Variants in CLCN7 observed in about 807,000 individuals in gnomAD.
The protein encoded by CLCN7 is H(+)/Cl(-) exchange transporter 7.
CLCN7 carries 60 observed loss-of-function variants against 102.1 expected under a neutral mutation model. The observed-to-expected ratio is 0.59, with a 90% CI of 0.48 to 0.73. The LOEUF (loss-of-function observed/expected upper bound fraction) is 0.73, where lower values mean the gene tolerates loss of function less well. CLCN7 is among the 30% of genes least tolerant of loss of function. The probability of loss-of-function intolerance (pLI) is 0.00; values close to 1 mark genes in which losing one functional copy is unlikely to be tolerated. For missense variants in CLCN7, 962 were observed against 1,125.7 expected, an observed-to-expected ratio of 0.85 and a Z score of 2.08; for synonymous variants, 560 against 490.5, an observed-to-expected ratio of 1.14 and a Z score of -1.87.
chr16:1,457,865 C>A lies in CLCN7; in HGVS notation c.676-109G>T. 1.8e-6 allele frequency: 2 copies of A among 1,091,514 alleles called. No individual in the cohort carries two copies. Among genetic ancestry groups the A allele is most frequent in the Non-Finnish European group, 2.8e-6 (2 of 726,224 alleles). 67.6% of individuals were successfully genotyped at this position (1,091,514 alleles called of 1,614,324 possible). Reference sequence around the variant, plus strand: ...CCGATCAGGCAGAGTGGCTGGGACACGGGGCCTCCGGGAGGGGGCCAGCAC... The same window carrying A: ...CCGATCAGGCAGAGTGGCTGGGACAAGGGGCCTCCGGGAGGGGGCCAGCAC... On this transcript the variant is annotated intron_variant, in intron 7 of 24. Coordinates refer to ENST00000382745, the MANE Select transcript of CLCN7 (RefSeq NM_001287.6). The surrounding 1 kb of genome is among the most constrained non-coding windows in gnomAD (Gnocchi z 5.4).
chr16:1,460,619 C>T, intron 5 of CLCN7, 92 bp from the exon 6 acceptor site: 3 of 1,296,606 alleles, frequency 2.3e-6, no homozygotes, highest in Non-Finnish European at 3.3e-6. Context: ...TGGCAGATGC[C>T]ACCCTGCTGG....
chr16:1,461,349 C>T (rs1239885516), intron 4 of CLCN7, 56 bp downstream of exon 4: 12 of 1,468,170 alleles, frequency 8.2e-6, no homozygotes, highest in East Asian at 7.4e-5. Context: ...GCCCCAGGCC[C>T]GGCCGGCACC....
chr16:1,450,174 C>G (rs145896930), intron 17 of CLCN7: 1 of 415,618 alleles, frequency 2.4e-6, no homozygotes, highest in Non-Finnish European at 4.5e-6. Flanking sequence ...ACATCCACCC[C>G]ATGGAGTCTA....
chr16:1,450,729 CCG>C, intron 16 of CLCN7, 63 bp from the exon 17 acceptor site: 1 of 1,395,334 alleles, frequency 7.2e-7, no homozygotes, highest in Non-Finnish European at 9.7e-7. Context: ...CTGCCCTGCC[CCG>C]CTGCCCAGTC....
In CLCN7 at chr16:1,461,465, C is replaced by T. The variant is rs1274371074; in HGVS notation, c.291G>A (p.Leu97=). 6 of 1,573,958 alleles carry T rather than the reference C, an allele frequency of 3.8e-6. No homozygotes were observed. Among genetic ancestry groups the T allele is most frequent in the African/African-American group, 2.7e-5 (2 of 74,362 alleles). The change falls in exon 4 of 25, where the codon TTG becomes TTA. Residue 97 remains leucine, a synonymous_variant. Transcript: ENST00000382745. Reference sequence around the variant, plus strand: ...GCTGGTTCTCACTGTTGTCATAGTCCAAGCTCTGCAGGCCGGGACAGCAAG... The same window carrying T: ...GCTGGTTCTCACTGTTGTCATAGTCTAAGCTCTGCAGGCCGGGACAGCAAG... ...EKLLSLKYES[L]DYDNSENQLF...
Position 1,451,691 on chromosome 16 carries a change from T to A in CLCN7, c.1379A>T (p.Asn460Ile). ...GTTGAAGAAGGCCGCAGCCATGGAGTTGTACTCGCCATCTGCACAAAAGAG... is the reference window on the plus strand; with the variant it reads ...GTTGAAGAAGGCCGCAGCCATGGAGATGTACTCGCCATCTGCACAAAAGAG... ...LQLFCADGEY[N>I]SMAAAFFNTP... The change falls in exon 16 of 25, where the codon AAC becomes ATC. Residue 460 changes from asparagine (N) to isoleucine (I), a missense_variant. Physicochemically the swap from Asn to Ile is moderately radical, Grantham distance 149. This residue lies in a region of CLCN7 where 799 missense variants were observed against 988.0 expected (regional missense o/e 0.81). Transcript: ENST00000382745. 1 of 1,612,478 alleles carries A rather than the reference T, an allele frequency of 6.2e-7. No homozygotes were observed. Among genetic ancestry groups the A allele is most frequent in the Non-Finnish European group, 8.5e-7 (1 of 1,179,818 alleles).
intron 11 of CLCN7, 150 bp downstream of exon 11, chr16:1,455,581 G>A (rs944030259): frequency 4.6e-6 from 4 of 860,956 alleles, no homozygotes; most frequent in Admixed American, 4.0e-5. Flanking sequence ...AGGCAGGACC[G>A]CTGCTTTGGG....
At chr16:1,448,577 G>A in intron 20 of CLCN7, 93 bp from the exon 21 acceptor site, 4 of 1,601,204 alleles carry the variant, frequency 2.5e-6, no homozygotes, top group Non-Finnish European at 3.4e-6. Context: ...CCGCTGGACA[G>A]GAAACGCGGG....
chr16:1,447,252 T>C, intron 23 of CLCN7, 140 bp downstream of exon 23: 1 of 1,171,326 alleles, frequency 8.5e-7, no homozygotes, highest in Non-Finnish European at 1.2e-6. Flanking sequence ...CTCTAAAGCC[T>C]GCCAGGCCCT....
In CLCN7 at chr16:1,446,018, G is replaced by C. The variant is rs1001971204; in HGVS notation, c.*613C>G. On this transcript the variant is annotated 3_prime_UTR_variant, in exon 25 of 25. Transcript: ENST00000382745. ...TCCTCTGGGCCTGTGTACCCAAGCC[G>C]GATGCAGGCCGGGGAGTGCACGTGG... The C allele has an allele frequency of 3.8e-6, 2 of 532,052 alleles. No individual in the cohort carries two copies. Among genetic ancestry groups the C allele is most frequent in the African/African-American group, 3.8e-5 (2 of 52,206 alleles). 33.0% of individuals were successfully genotyped at this position (532,052 alleles called of 1,614,324 possible).
At position 1,458,047 on chromosome 16, in the gene CLCN7, C is replaced by T. The variant is rs752386620; in HGVS notation, c.676-291G>A. Among the ~76,000 whole-genome samples the T allele has an allele frequency of 1.9e-4, 23 of 123,438 alleles. 1 individual carries two copies. Among genetic ancestry groups the T allele is most frequent in the Admixed American group, 9.3e-4 (12 of 12,848 alleles). 81.0% of individuals were successfully genotyped at this position (123,438 alleles called of 152,430 possible). ...CCTGAGGCAAAGCTGGGCCGCCCAC[C>T]GCATCCTACAGGCACACCTGCCTCC... On this transcript the variant is annotated intron_variant, in intron 7 of 24. Coordinates refer to ENST00000382745, the MANE Select transcript of CLCN7 (RefSeq NM_001287.6).
intron 2 of CLCN7, among the ~76,000 whole-genome samples, chr16:1,462,365 CTTTTTTTTTTTTT>C (rs59931924): frequency 1.2e-5 from 1 of 80,612 alleles, no homozygotes; most frequent in Non-Finnish European, 2.3e-5. Flanking sequence ...CCTCATCTGT[CTTTTTTTTTTTTT>C]TTTTTTTTTT....
intron 24 of CLCN7, 67 bp downstream of exon 24, chr16:1,446,939 T>C: frequency 7.0e-7 from 1 of 1,427,430 alleles, no homozygotes; most frequent in Non-Finnish European, 9.6e-7. Flanking sequence ...GAGCTGAGAG[T>C]AAGCACGGGC....
chr16:1,448,601 C>G (rs1233966590), intron 20 of CLCN7, 80 bp downstream of exon 20: 1 of 1,602,600 alleles, frequency 6.2e-7, no homozygotes, highest in East Asian at 2.2e-5. Context: ...GCCTGGAGCC[C>G]GCAAGCCGTG....
At chr16:1,452,606 A>G (rs1294926609) in intron 15 of CLCN7, 149 bp downstream of exon 15, 3 of 803,834 alleles carry the variant, frequency 3.7e-6, no homozygotes, top group South Asian at 1.8e-5. Context: ...CTGGGTGGAC[A>G]GGACTAACCC....
intron 6 of CLCN7, among the ~76,000 whole-genome samples, chr16:1,459,921 G>A (rs34743706): frequency 3.3e-5 from 4 of 119,680 alleles, no homozygotes; most frequent in Admixed American, 8.5e-5. Flanking sequence ...CAGCACACAC[G>A]TCGGGGCCTC....
chr16:1,462,670 A>ACAAAAC (rs58533451), intron 2 of CLCN7, among the ~76,000 whole-genome samples: 2,278 of 142,530 alleles, frequency 0.016, 35 homozygotes, highest in Non-Finnish European at 0.024. Flanking sequence ...AAAGCCAAAA[A>ACAAAAC]AAAAAAAAAA....
chr16:1,473,575 A>G (rs1045555450), intron 1 of CLCN7, among the ~76,000 whole-genome samples: 3 of 150,368 alleles, frequency 2.0e-5, no homozygotes, highest in African/African-American at 7.3e-5. Flanking sequence ...GGGTTTCACC[A>G]TATTAGCCAG....
At chr16:1,452,456 A>G in intron 15 of CLCN7, 1 of 458,610 alleles carries the variant, frequency 2.2e-6, no homozygotes, top group Non-Finnish European at 4.0e-6. Flanking sequence ...CTGGGTCCAC[A>G]TCTATGGTGC....
Sources: allele counts gnomAD v4.1 joint callset (sites outside exome capture counted in the v4.1 genomes callset), GRCh38; gene constraint gnomAD v4.1.1; regional missense constraint gnomAD v4.1.1; non-coding constraint Gnocchi (gnomAD v3.1); transcripts MANE v1.5; gene names NCBI Gene and HGNC (gene_info 2026-07-23, HGNC 2026-07-21).